Variants in CEP83 observed in about 807,000 individuals in gnomAD.
CEP83 encodes centrosomal protein 83.
Under a neutral mutation model 101.9 loss-of-function variants are expected in CEP83, and 70 were observed. The observed-to-expected ratio is 0.69, with a 90% confidence interval of 0.57 to 0.84. The LOEUF (loss-of-function observed/expected upper bound fraction) is 0.84. CEP83 is among the 40% of genes least tolerant of loss of function. The pLI is 0.00. For synonymous variants in CEP83, 264 were observed against 267.9 expected, an observed-to-expected ratio of 0.99 and a Z score of 0.14; for missense variants, 715 against 787.2, an observed-to-expected ratio of 0.91 and a Z score of 1.10.
chr12:94,395,925 AAG>A (rs1566081011), intron 6 of CEP83, among the ~76,000 whole-genome samples: 1 of 152,210 alleles, frequency 6.6e-6, no homozygotes. Flanking sequence ...AAAGCCAAGG[AAG>A]AGCACAACCA....
chr12:94,275,672 T>TCTCA, the CEP83 span, among the ~76,000 whole-genome samples: 1 of 133,582 alleles, frequency 7.5e-6, no homozygotes, highest in African/African-American at 2.9e-5. Flanking sequence ...GCTAAAACGG[T>TCTCA]GAAACCCCGT....
the CEP83 span, among the ~76,000 whole-genome samples, chr12:94,288,937 ATCAC>A: frequency 1.5e-4 from 23 of 152,234 alleles, 1 homozygote; most frequent in Admixed American, 1.5e-3. Context: ...TCTTTAAATT[ATCAC>A]AATATTCAGA....
the CEP83 span, chr12:94,297,419 C>T: frequency 6.2e-7 from 1 of 1,608,588 alleles, no homozygotes. Context: ...CTGCTGTCGA[C>T]CAAGGTACAC....
At chr12:94,282,388 T>A in the CEP83 span, 2 of 1,609,572 alleles carry the variant, frequency 1.2e-6, no homozygotes, top group Non-Finnish European at 1.7e-6. Flanking sequence ...CTAAACACCA[T>A]TGGCCACTAT....
At position 94,379,043 on chromosome 12, in the gene CEP83, C is replaced by T. The variant is rs1555237944; in HGVS notation, c.550-1G>A. The T allele has an allele frequency of 2.5e-6, 4 of 1,592,132 alleles. No individual in the cohort carries two copies. Among genetic ancestry groups the T allele is most frequent in the Admixed American group, 3.5e-5 (2 of 57,414 alleles). ...CTTTATCTTCCTCCAGTCTTGCAAT[C>T]TAATAATAATTTTAAAGAAAGCATA... On this transcript the variant is annotated splice_acceptor_variant, in intron 6 of 16. Transcript: ENST00000397809. LOFTEE classifies it high-confidence loss of function.
the CEP83 span, among the ~76,000 whole-genome samples, chr12:94,267,842 C>T: frequency 2.0e-5 from 3 of 152,200 alleles, 1 homozygote; most frequent in African/African-American, 4.8e-5. Flanking sequence ...TCCCTTCCCT[C>T]CTCCCCTTCT....
At chr12:94,338,959 CTT>C (rs373946233) in intron 11 of CEP83, among the ~76,000 whole-genome samples, 2 of 144,476 alleles carry the variant, frequency 1.4e-5, no homozygotes, top group African/African-American at 5.0e-5. Flanking sequence ...TATACTATTT[CTT>C]TTTTTTTTTT....
chr12:94,280,151 C>G, the CEP83 span: 99 of 260,706 alleles, frequency 3.8e-4, 2 homozygotes, highest in Middle Eastern at 4.2e-3. Context: ...TCCGTCCTCC[C>G]TCAGTGTGCA....
At chr12:94,269,414 T>C in the CEP83 span, among the ~76,000 whole-genome samples, 1 of 152,230 alleles carries the variant, frequency 6.6e-6, no homozygotes, top group Admixed American at 6.5e-5. Flanking sequence ...TCTCTAGCAG[T>C]TACCATTTTG....
At chr12:94,379,998 G>A (rs1305785490) in intron 6 of CEP83, among the ~76,000 whole-genome samples, 1 of 145,756 alleles carries the variant, frequency 6.9e-6, no homozygotes, top group East Asian at 2.0e-4. Flanking sequence ...GAAAACCACT[G>A]CTCAAAACAG....
intron 2 of CEP83, chr12:94,424,344 G>T (rs2065019976): frequency 6.2e-7 from 1 of 1,614,086 alleles, no homozygotes; most frequent in Admixed American, 1.7e-5. Flanking sequence ...GGATCGGATG[G>T]GGCTGGTACT....
intron 6 of CEP83, among the ~76,000 whole-genome samples, chr12:94,399,095 C>G (rs1276819222): frequency 6.6e-6 from 1 of 152,062 alleles, no homozygotes; most frequent in Non-Finnish European, 1.5e-5. Context: ...TTGTTTCTGC[C>G]CTTTGCCTTT....
chr12:94,268,572 T>C, the CEP83 span, among the ~76,000 whole-genome samples: 6 of 143,002 alleles, frequency 4.2e-5, no homozygotes. Context: ...ATCAGACAGC[T>C]GGAAGAGAAT....
chr12:94,418,418 G>C (rs1358353953), intron 2 of CEP83, among the ~76,000 whole-genome samples: 1 of 152,074 alleles, frequency 6.6e-6, no homozygotes, highest in Non-Finnish European at 1.5e-5. Flanking sequence ...GAGCTCATCA[G>C]CAGAAATAGA....
intron 4 of CEP83, among the ~76,000 whole-genome samples, chr12:94,403,563 T>C (rs896955583): frequency 6.6e-6 from 1 of 152,186 alleles, no homozygotes; most frequent in African/African-American, 2.4e-5. Context: ...TTGTATACAA[T>C]GGCTAATAGT....
At chr12:94,435,812 C>G (rs1304472031) in intron 1 of CEP83, among the ~76,000 whole-genome samples, 1 of 152,192 alleles carries the variant, frequency 6.6e-6, no homozygotes, top group Non-Finnish European at 1.5e-5. Flanking sequence ...CAACTTCAAC[C>G]GCTAGCCTAA....
chr12:94,295,564 C>T, the CEP83 span, among the ~76,000 whole-genome samples: 1 of 152,258 alleles, frequency 6.6e-6, no homozygotes, highest in African/African-American at 2.4e-5. Context: ...CCATTCACTG[C>T]AACTGAGAGC....
chr12:94,423,929 A>G, intron 2 of CEP83: 1 of 1,611,332 alleles, frequency 6.2e-7, no homozygotes, highest in Non-Finnish European at 8.5e-7. Flanking sequence ...GCTGAGGCAG[A>G]GATGGCCCAG....
At chr12:94,415,350 T>C (rs1259660304) in intron 2 of CEP83, among the ~76,000 whole-genome samples, 1 of 152,046 alleles carries the variant, frequency 6.6e-6, no homozygotes. Flanking sequence ...CTGTAGAAGG[T>C]CTGGGCAAAT....
Sources: allele counts gnomAD v4.1 joint callset (sites outside exome capture counted in the v4.1 genomes callset), GRCh38; gene constraint gnomAD v4.1.1; transcripts MANE v1.5; gene names NCBI Gene and HGNC (gene_info 2026-07-23, HGNC 2026-07-21).